Variants in WDR45B observed in about 807,000 individuals in gnomAD.
WDR45B encodes the protein WD repeat domain 45B, also known as WD repeat domain phosphoinositide-interacting protein 3.
In WDR45B, 20 loss-of-function variants were observed where a neutral mutation model predicts 44.6. The observed-to-expected ratio is 0.45, with a 90% CI of 0.32 to 0.65. WDR45B has a LOEUF of 0.65. Among genes scored for constraint, WDR45B ranks in the 30% least tolerant of loss-of-function variants. The probability of loss-of-function intolerance (pLI) is 0.05; values close to 1 mark genes in which losing one functional copy is unlikely to be tolerated. For synonymous variants in WDR45B, 169 were observed against 164.9 expected (o/e 1.02, Z -0.19); for missense variants, 323 against 430.2 (o/e 0.75, Z 2.20).
intron 4 of WDR45B, 119 bp downstream of exon 4, chr17:82,627,085 G>A: frequency 1.2e-6 from 1 of 862,964 alleles, no homozygotes; most frequent in Non-Finnish European, 2.0e-6. Flanking sequence ...ATAAAAACCA[G>A]GACCAACATT....
At chr17:82,632,688 G>T (rs532552431) in intron 2 of WDR45B, among the ~76,000 whole-genome samples, 1 of 152,144 alleles carries the variant, frequency 6.6e-6, no homozygotes, top group South Asian at 2.1e-4. Flanking sequence ...AGTCACAGCT[G>T]CACGAAATGA....
At chr17:82,631,117 A>G (rs1428483084) in intron 2 of WDR45B, 95 bp from the exon 3 acceptor site, 2 of 1,259,264 alleles carry the variant, frequency 1.6e-6, no homozygotes, top group Admixed American at 3.7e-5. Context: ...GTAACGCAGC[A>G]ATTTTCTATT....
At chr17:82,636,772 C>T (rs747367095) in intron 2 of WDR45B, among the ~76,000 whole-genome samples, 5 of 151,984 alleles carry the variant, frequency 3.3e-5, no homozygotes, top group Admixed American at 6.6e-5. Flanking sequence ...ACAGCCTACC[C>T]GCTTCCCGTC....
At position 82,625,422 on chromosome 17, in the gene WDR45B, A is replaced by G. The variant is rs934717340; in HGVS notation, c.394T>C (p.Leu132=). The part of the protein sequence containing the change: ...VFTFTHNPHQ[L]HVFETCYNPK... ...TTATAGCAGGTTTCGAAGACGTGCAACTGATGGGGATTGTGTGTGAATGTG... is the reference window on the plus strand; with the variant it reads ...TTATAGCAGGTTTCGAAGACGTGCAGCTGATGGGGATTGTGTGTGAATGTG... Residue 132 remains leucine (L), a synonymous_variant, in exon 5 of 10, where the codon TTG becomes CTG. Coordinates refer to ENST00000392325, the MANE Select transcript of WDR45B (RefSeq NM_019613.4). The G allele has an allele frequency of 1.2e-6, 2 of 1,614,080 alleles. No individual in the cohort carries two copies. The highest frequency in any genetic ancestry group is 1.3e-5 in the African/African-American group (1 of 74,924).
intron 6 of WDR45B, among the ~76,000 whole-genome samples, chr17:82,620,374 A>AGTGAGCTGAGATCATGCAG (rs2045598086): frequency 6.6e-6 from 1 of 152,242 alleles, no homozygotes; most frequent in African/African-American, 2.4e-5. Flanking sequence ...CGGAGGTGGC[A>AGTGAGCTGAGATCATGCAG]GTGAGCTGAG....
At chr17:82,616,158 G>A in intron 9 of WDR45B, 133 bp from the exon 10 acceptor site, 1 of 885,920 alleles carries the variant, frequency 1.1e-6, no homozygotes, top group Admixed American at 2.0e-5. Context: ...AAGGCCCCAG[G>A]GTCCCCACTG....
At chr17:82,640,475 C>T (rs113523456) in intron 2 of WDR45B, among the ~76,000 whole-genome samples, 16 of 151,874 alleles carry the variant, frequency 1.1e-4, no homozygotes, top group African/African-American at 1.7e-4. Flanking sequence ...CTCAGCCTCC[C>T]GAGTAGCTGG....
intron 5 of WDR45B, among the ~76,000 whole-genome samples, chr17:82,624,086 C>T (rs1360251692): frequency 6.6e-6 from 1 of 152,034 alleles, no homozygotes; most frequent in African/African-American, 2.4e-5. Flanking sequence ...ATGAAACTAC[C>T]CACACAAAGG....
chr17:82,626,761 AC>A, intron 4 of WDR45B: 1 of 244,222 alleles, frequency 4.1e-6, no homozygotes, highest in South Asian at 5.4e-5. Flanking sequence ...ACCATGGCTG[AC>A]AGAACCACCT....
intron 2 of WDR45B, among the ~76,000 whole-genome samples, chr17:82,633,055 T>A (rs1342392392): frequency 6.6e-6 from 1 of 150,392 alleles, no homozygotes; most frequent in African/African-American, 2.5e-5. Flanking sequence ...CCCAGCTATA[T>A]AGGAGTCTGT....
chr17:82,635,475 G>T (rs2045821266), intron 2 of WDR45B, among the ~76,000 whole-genome samples: 1 of 148,386 alleles, frequency 6.7e-6, no homozygotes, highest in African/African-American at 2.5e-5. Flanking sequence ...GCCCAGGATG[G>T]AGTGCAGTGG....
At chr17:82,616,830 T>G (rs887053624) in intron 8 of WDR45B, among the ~76,000 whole-genome samples, 185 bp from the exon 9 acceptor site, 1 of 152,182 alleles carries the variant, frequency 6.6e-6, no homozygotes, top group Non-Finnish European at 1.5e-5. Flanking sequence ...AAAAATTTTT[T>G]TTTTTGAGAC....
chr17:82,637,721 A>G (rs2045852208), intron 2 of WDR45B, among the ~76,000 whole-genome samples: 1 of 152,048 alleles, frequency 6.6e-6, no homozygotes, highest in African/African-American at 2.4e-5. Context: ...GATACAGATG[A>G]AGAGATGCAT....
intron 5 of WDR45B, among the ~76,000 whole-genome samples, chr17:82,623,112 C>T (rs1373846119): frequency 6.6e-6 from 1 of 152,220 alleles, no homozygotes; most frequent in Non-Finnish European, 1.5e-5. Context: ...ATTCTTACGG[C>T]CGGGCACAGT....
chr17:82,617,064 A>G (rs939961658), intron 8 of WDR45B, among the ~76,000 whole-genome samples: 3 of 152,112 alleles, frequency 2.0e-5, no homozygotes, highest in African/African-American at 7.2e-5. Flanking sequence ...TGATCTGCCC[A>G]CCTCGGCCTC....
chr17:82,629,951 T>TC (rs1277004785), intron 3 of WDR45B: 9 of 984,644 alleles, frequency 9.1e-6, no homozygotes, highest in Middle Eastern at 5.2e-4. Flanking sequence ...ACTGAGCCTC[T>TC]CCTTCCCTCC....
At chr17:82,630,387 A>G (rs1473009617) in intron 3 of WDR45B, among the ~76,000 whole-genome samples, 2 of 151,474 alleles carry the variant, frequency 1.3e-5, no homozygotes, top group Non-Finnish European at 2.9e-5. Context: ...TCCTCAACCA[A>G]CAGCGAGGTT....
Position 82,619,035 on chromosome 17 carries a change from G to T in WDR45B, c.704+8C>A. ...GTTCTTCTCCGGTGAAGTTGGAGGT[G>T]CCCTTACCAGTAAATATTGGCTGCT... On this transcript the variant is annotated splice_region_variant and intron_variant, in intron 7 of 9. Coordinates refer to ENST00000392325, the MANE Select transcript of WDR45B (RefSeq NM_019613.4). The T allele has an allele frequency of 6.2e-7, 1 of 1,613,764 alleles. No individual in the cohort carries two copies. The highest frequency in any genetic ancestry group is 8.5e-7 in the Non-Finnish European group (1 of 1,179,664).
chr17:82,633,833 A>C (rs2045799044), intron 2 of WDR45B, among the ~76,000 whole-genome samples: 1 of 152,092 alleles, frequency 6.6e-6, no homozygotes, highest in South Asian at 2.1e-4. Context: ...TGGGCAACAC[A>C]GTGAGACGCT....
Sources: gnomAD v4.1 joint callset for allele counts (sites outside exome capture counted in the v4.1 genomes callset) on GRCh38, gnomAD v4.1.1 for gene constraint, MANE v1.5 for transcripts, NCBI Gene and HGNC (gene_info 2026-07-23, HGNC 2026-07-21) for gene names.